The following SCN9A variants were observed in gnomAD, a reference collection of about 807,000 sequenced individuals.
SCN9A encodes the protein sodium voltage-gated channel alpha subunit 9.
SCN9A carries 131 observed loss-of-function variants against 187.0 expected under a neutral mutation model. The ratio of observed to expected loss-of-function variants is 0.70; its 90% CI spans 0.61 to 0.81. The LOEUF is 0.81. Among genes scored for constraint, SCN9A ranks in the 30% least tolerant of loss-of-function variants. The pLI is 0.00. For synonymous variants in SCN9A, 809 were observed against 808.6 expected, an observed-to-expected ratio of 1.00 and a Z score of -0.01; for missense variants, 2,252 against 2,396.6, an observed-to-expected ratio of 0.94 and a Z score of 1.26.
chr2:166,238,940 A>T (rs1695440428), intron 19 of SCN9A, among the ~76,000 whole-genome samples: 1 of 152,202 alleles, frequency 6.6e-6, no homozygotes, highest in Non-Finnish European at 1.5e-5. Context: ...AGTAAGTGAC[A>T]CACAACATTA....
intron 2 of SCN9A, among the ~76,000 whole-genome samples, chr2:166,307,977 T>TA (rs1698811612): frequency 6.6e-6 from 1 of 152,330 alleles, no homozygotes; most frequent in African/African-American, 2.4e-5. Flanking sequence ...TTTCTGGCAA[T>TA]AAGCATTTCT....
intron 18 of SCN9A, chr2:166,248,218 A>T (rs572523783): frequency 1.3e-5 from 2 of 152,238 alleles, no homozygotes; most frequent in African/African-American, 4.8e-5. Context: ...CTGGAGGTGA[A>T]ACATTGCTCT....
intron 1 of SCN9A, among the ~76,000 whole-genome samples, chr2:166,352,180 C>T (rs191708188): frequency 3.3e-5 from 5 of 152,072 alleles, no homozygotes; most frequent in African/African-American, 4.8e-5. Flanking sequence ...AAGATTTACA[C>T]GGCCCTACTT....
At chr2:166,361,602 A>C (rs777829093) in intron 1 of SCN9A, among the ~76,000 whole-genome samples, 1 of 152,152 alleles carries the variant, frequency 6.6e-6, no homozygotes, top group Non-Finnish European at 1.5e-5. Context: ...ATGTTGAAAG[A>C]TTTAATAACA....
chr2:166,357,534 C>G (rs540505612), intron 1 of SCN9A, among the ~76,000 whole-genome samples: 4 of 152,226 alleles, frequency 2.6e-5, no homozygotes, highest in African/African-American at 4.8e-5. Flanking sequence ...GACACCCCCA[C>G]CAGTGCCATG....
At chr2:166,252,804 A>G (rs1696104813) in intron 17 of SCN9A, among the ~76,000 whole-genome samples, 1 of 151,914 alleles carries the variant, frequency 6.6e-6, no homozygotes, top group African/African-American at 2.4e-5. Flanking sequence ...TTTACAAAAA[A>G]TACATACAGC....
At position 166,281,810 on chromosome 2, in the gene SCN9A, T is replaced by TA. The variant is rs35888674; in HGVS notation, c.1975-3dup. ...CTTGTGTATTTGATTGGTCGTGCCC[T>TA]AAAAAAAAAATCAATTAATGTCTTA... On this transcript the variant is annotated splice_polypyrimidine_tract_variant and splice_region_variant and intron_variant, in intron 12 of 26. Transcript: ENST00000642356. 0.08 allele frequency: 110,378 copies of TA among 1,386,398 alleles called. 1,634 individuals are homozygous for TA. The highest frequency in any genetic ancestry group is 0.12 in the Middle Eastern group (644 of 5,298). 85.9% of individuals were successfully genotyped at this position (1,386,398 alleles called of 1,614,324 possible). A position where few individuals can be genotyped will look rare whatever the true frequency, so the allele number is the denominator to read the frequency against.
intron 1 of SCN9A, among the ~76,000 whole-genome samples, chr2:166,342,677 AC>A (rs1699813661): frequency 6.6e-6 from 1 of 152,220 alleles, no homozygotes; most frequent in Admixed American, 6.5e-5. Flanking sequence ...TAAACAATCT[AC>A]ACATGCAGTG....
chr2:166,272,610 C>G lies in SCN9A; in HGVS notation c.3140G>C (p.Ser1047Thr). Residue 1047 changes from serine to threonine, a missense_variant, in exon 17 of 27, where the codon AGC (serine) becomes ACC (threonine). Transcript: ENST00000642356. ...TTCCTTGAGGAAATTGTGACCTTTG[C>G]TCATTTCAGCAAGTGTATGGTTAGA... is the stretch of plus-strand genomic sequence containing the variant. The part of the protein sequence containing the change: ...YISNHTLAEM[S>T]KGHNFLKEKD... The G allele has an allele frequency of 1.2e-6, 2 of 1,613,420 alleles. No individual in the cohort carries two copies. Among genetic ancestry groups the G allele is most frequent in the South Asian group, 2.2e-5 (2 of 91,060 alleles).
At chr2:166,270,142 G>A (rs1696911282) in intron 17 of SCN9A, among the ~76,000 whole-genome samples, 2 of 151,958 alleles carry the variant, frequency 1.3e-5, no homozygotes. Context: ...AATACAGCTG[G>A]CCTTCTGTAT....
At chr2:166,220,572 A>G (rs1338157173) in intron 24 of SCN9A, among the ~76,000 whole-genome samples, 1 of 152,158 alleles carries the variant, frequency 6.6e-6, no homozygotes, top group Non-Finnish European at 1.5e-5. Context: ...ATCCTCCAGT[A>G]CTGTGATCCC....
intron 24 of SCN9A, among the ~76,000 whole-genome samples, chr2:166,226,338 A>T (rs1694840072): frequency 1.3e-5 from 2 of 152,208 alleles, no homozygotes; most frequent in Non-Finnish European, 2.9e-5. Flanking sequence ...TATGGGTTTA[A>T]CCTAAATCAT....
chr2:166,303,915 A>G, intron 6 of SCN9A: 1 of 1,068,328 alleles, frequency 9.4e-7, no homozygotes, highest in Non-Finnish European at 1.4e-6. Context: ...ACTTTTGATA[A>G]TGATTGTGGA....
rs780316047 is a variant in SCN9A, at chr2:166,303,114, G to T, written c.877C>A (p.Leu293Ile). ...NETLESIMNT[L>I]ESEEDFRKYF... The stretch of plus-strand genomic sequence containing the variant: ...CTTCTAAAGTCTTCTTCACTCTCTA[G>T]GGTATTCATTATGCTTTCTAATGTT... The change falls in exon 7 of 27, where the codon CTA (leucine) becomes ATA (isoleucine). Residue 293 changes from leucine (L) to isoleucine (I), a missense_variant. Physicochemically the swap from Leu to Ile is conservative, Grantham distance 5. Around this residue, in one of 7 missense-constraint regions of SCN9A, gnomAD observed 1,013 missense variants for 997.4 expected, o/e 1.02. Transcript: ENST00000642356. The T allele has an allele frequency of 6.2e-7, 1 of 1,604,672 alleles. No individual in the cohort carries two copies.
chr2:166,229,732 T>C (rs1218130516), intron 21 of SCN9A, among the ~76,000 whole-genome samples: 1 of 152,232 alleles, frequency 6.6e-6, no homozygotes, highest in African/African-American at 2.4e-5. Flanking sequence ...AGTTTTTCTT[T>C]AATCCTTTCT....
rs1354808787 is a variant in SCN9A, at chr2:166,195,905, A to G, written c.*2767T>C. ...ATCTACAAAAATTTAAATATTAGCCAGGCATGGTGGCATGTACCTGTAGTC... is the reference window on the plus strand; with the variant it reads ...ATCTACAAAAATTTAAATATTAGCCGGGCATGGTGGCATGTACCTGTAGTC... On this transcript the variant is annotated 3_prime_UTR_variant, in exon 27 of 27. Coordinates refer to ENST00000642356, the MANE Select transcript of SCN9A (RefSeq NM_001365536.1). 6.6e-6 allele frequency: 1 copy of G among 152,104 alleles called. No individual in the cohort carries two copies. The highest frequency in any genetic ancestry group is 1.5e-5 in the Non-Finnish European group (1 of 68,092). The allele number at this position is 152,104 out of a possible 1,614,324, so 9.4% of individuals were successfully genotyped here.
At chr2:166,342,167 C>G (rs1393820622) in intron 1 of SCN9A, among the ~76,000 whole-genome samples, 1 of 152,152 alleles carries the variant, frequency 6.6e-6, no homozygotes, top group Non-Finnish European at 1.5e-5. Context: ...AACACATCAG[C>G]ACGTATGTAT....
At position 166,281,755 on chromosome 2, in the gene SCN9A, T is replaced by C. The variant is rs1574859587; in HGVS notation, c.2028A>G (p.Ser676=). ...KKRRCSSYLL[S]EDMLNDPNLR... ...GGTTGGGATCATTCAGCATATCCTC[T>C]GAAAGGAGATAGGAACTACAACGCC... Residue 676 remains serine, a synonymous_variant, in exon 13 of 27, where the codon TCA becomes TCG. Coordinates refer to ENST00000642356, the MANE Select transcript of SCN9A (RefSeq NM_001365536.1). 8.1e-6 allele frequency: 13 copies of C among 1,613,288 alleles called. No homozygotes were observed. In the East Asian group the frequency reaches 2.9e-4, roughly 36 times the overall value.
At chr2:166,364,298 A>G (rs755324498) in intron 1 of SCN9A, among the ~76,000 whole-genome samples, 11 of 152,156 alleles carry the variant, frequency 7.2e-5, no homozygotes, top group Non-Finnish European at 1.5e-4. Context: ...AAACAGAAAT[A>G]TCACATGATC....
Sources: allele counts gnomAD v4.1 joint callset (sites outside exome capture counted in the v4.1 genomes callset), GRCh38; gene constraint gnomAD v4.1.1; regional missense constraint gnomAD v4.1.1; transcripts MANE v1.5; gene names NCBI Gene and HGNC (gene_info 2026-07-23, HGNC 2026-07-21).